SCRN1: variants seen among roughly 807,000 people sequenced by gnomAD.
SCRN1 encodes the protein secernin 1.
A neutral mutation model predicts 43.3 loss-of-function variants in SCRN1; 19 were observed. The observed-to-expected ratio is 0.44, with a 90% CI of 0.31 to 0.64. The LOEUF is 0.64. Ranked by LOEUF, SCRN1 falls within the 30% of genes least tolerant of loss-of-function variation. The probability of loss-of-function intolerance (pLI) is 0.09; values close to 1 mark genes in which losing one functional copy is unlikely to be tolerated. For synonymous variants in SCRN1, 183 were observed against 188.9 expected, an observed-to-expected ratio of 0.97 and a Z score of 0.26; for missense variants, 447 against 524.1, an observed-to-expected ratio of 0.85 and a Z score of 1.44.
intron 3 of SCRN1, among the ~76,000 whole-genome samples, chr7:29,945,447 C>G (rs1009660514): frequency 6.6e-6 from 1 of 152,202 alleles, no homozygotes; most frequent in Non-Finnish European, 1.5e-5. Flanking sequence ...GTACTGCCCT[C>G]TGTGTGACCT....
chr7:29,921,499 C>T lies in SCRN1; in HGVS notation c.*2458G>A, dbSNP rs1298819438. 2 of 151,760 alleles carry T rather than the reference C, an allele frequency of 1.3e-5. No individual in the cohort carries two copies. Among genetic ancestry groups the T allele is most frequent in the Non-Finnish European group, 2.9e-5 (2 of 67,930 alleles). 9.4% of individuals were successfully genotyped at this position (151,760 alleles called of 1,614,324 possible). A position where few individuals can be genotyped will look rare whatever the true frequency, so the allele number is the denominator to read the frequency against. ...GCCACATCAGCAGATTCTCTGCTCTCTTGTCGTCTTTCTCCACCCATCCCA... is the reference window on the plus strand; with the variant it reads ...GCCACATCAGCAGATTCTCTGCTCTTTTGTCGTCTTTCTCCACCCATCCCA... On this transcript the variant is annotated 3_prime_UTR_variant, in exon 8 of 8. Transcript: ENST00000242059.
At chr7:29,969,761 A>G in intron 1 of SCRN1, 1 of 453,938 alleles carries the variant, frequency 2.2e-6, no homozygotes, top group Admixed American at 2.4e-5. Flanking sequence ...CTTGTCAGTT[A>G]CATGCTGATG....
At chr7:29,929,974 C>T (rs1156833878) in intron 6 of SCRN1, among the ~76,000 whole-genome samples, 1 of 151,792 alleles carries the variant, frequency 6.6e-6, no homozygotes, top group African/African-American at 2.4e-5. Flanking sequence ...AGAAGAGATA[C>T]CATAAGTTTG....
chr7:29,943,133 A>C (rs569539860), intron 4 of SCRN1, among the ~76,000 whole-genome samples: 16 of 152,346 alleles, frequency 1.1e-4, no homozygotes, highest in Admixed American at 9.1e-4. Context: ...AGGTTCAACG[A>C]AAGAGAAGTG....
chr7:29,986,967 G>A (rs997091429), intron 1 of SCRN1, among the ~76,000 whole-genome samples: 6 of 151,596 alleles, frequency 4.0e-5, no homozygotes, highest in Non-Finnish European at 7.4e-5. Flanking sequence ...CTCGTGATCC[G>A]CCCGCCTCGG....
chr7:29,931,171 A>C (rs577690991), intron 6 of SCRN1, among the ~76,000 whole-genome samples: 4 of 152,376 alleles, frequency 2.6e-5, no homozygotes, highest in African/African-American at 9.6e-5. Context: ...CCAATGCAAA[A>C]AAAACTATTT....
chr7:29,963,079 T>C lies in SCRN1; in HGVS notation c.159+5830A>G, dbSNP rs578162336. On this transcript the variant is annotated intron_variant, in intron 2 of 7. Coordinates refer to ENST00000242059, the MANE Select transcript of SCRN1 (RefSeq NM_014766.5). ...AAAAAAATCCTTCTTCACAATGTTC[T>C]CCTTAAAGCTTTACAAAGTGCTTTC... Among the ~76,000 whole-genome samples, 163 of 152,214 alleles carry C rather than the reference T, an allele frequency of 1.1e-3. 1 individual carries two copies. The highest frequency in any genetic ancestry group is 5.9e-4 in the Non-Finnish European group (40 of 68,010).
At chr7:29,949,323 A>G (rs1462396031) in intron 3 of SCRN1, among the ~76,000 whole-genome samples, 2 of 65,940 alleles carry the variant, frequency 3.0e-5, no homozygotes, top group African/African-American at 1.4e-4. Context: ...TAAAAAAAGA[A>G]AAAAAAAAAG....
At chr7:29,979,312 G>T (rs1043386678) in intron 1 of SCRN1, among the ~76,000 whole-genome samples, 1 of 152,048 alleles carries the variant, frequency 6.6e-6, no homozygotes, top group African/African-American at 2.4e-5. Context: ...GCAGTGAGCC[G>T]AGATCACGCC....
intron 1 of SCRN1, among the ~76,000 whole-genome samples, chr7:29,979,273 G>T (rs181408382): frequency 0.017 from 2,539 of 152,214 alleles, 35 homozygotes; most frequent in South Asian, 0.055. Flanking sequence ...TGAGGCAGGA[G>T]AATCGCTTGA....
intron 6 of SCRN1, among the ~76,000 whole-genome samples, chr7:29,931,233 T>G (rs562836515): frequency 1.3e-5 from 2 of 152,320 alleles, no homozygotes; most frequent in East Asian, 3.9e-4. Context: ...ACCATGAAAA[T>G]CTCTAACATT....
chr7:29,944,040 C>G lies in SCRN1; in HGVS notation c.481G>C (p.Asp161His). Residue 161 changes from aspartate to histidine, a missense_variant, in exon 4 of 8, where the codon GAT becomes CAT. By Grantham distance (81) the Asp-to-His change is moderately conservative (BLOSUM62 -1). Transcript: ENST00000242059. ...TCGAGCACCCAGGCTTCATCACGATCCACAATCAGATATGCACTTTGGAAG... is the reference window on the plus strand; with the variant it reads ...TCGAGCACCCAGGCTTCATCACGATGCACAATCAGATATGCACTTTGGAAG... The part of the protein sequence containing the change: ...HSFQSAYLIV[D>H]RDEAWVLETI... 6.2e-7 allele frequency: 1 copy of G among 1,614,244 alleles called. No homozygotes were observed. The highest frequency in any genetic ancestry group is 8.5e-7 in the Non-Finnish European group (1 of 1,180,058).
At chr7:29,930,317 T>A (rs971009874) in intron 6 of SCRN1, among the ~76,000 whole-genome samples, 57 of 152,250 alleles carry the variant, frequency 3.7e-4, no homozygotes, top group Admixed American at 3.7e-3. Flanking sequence ...TTTGTGTCTA[T>A]GTACCCAGAA....
At chr7:29,988,852 CA>C (rs1451005269) in intron 1 of SCRN1, 1 of 152,312 alleles carries the variant, frequency 6.6e-6, no homozygotes, top group Non-Finnish European at 1.5e-5. Context: ...GAGTTCTCGC[CA>C]ATTCTCTAAA....
intron 4 of SCRN1, among the ~76,000 whole-genome samples, chr7:29,943,374 G>A (rs1436310586): frequency 1.3e-5 from 2 of 152,084 alleles, no homozygotes; most frequent in African/African-American, 2.4e-5. Context: ...ACTTCCCCAG[G>A]GCTGTGTTAG....
At chr7:29,943,802 G>C (rs1787635861) in intron 4 of SCRN1, among the ~76,000 whole-genome samples, 175 bp downstream of exon 4, 1 of 152,168 alleles carries the variant, frequency 6.6e-6, no homozygotes, top group African/African-American at 2.4e-5. Context: ...GGAGACTCCA[G>C]GTTCTCTTCT....
chr7:29,955,027 C>T (rs1464149368), intron 3 of SCRN1, 152 bp downstream of exon 3: 11 of 655,732 alleles, frequency 1.7e-5, no homozygotes, highest in African/African-American at 3.6e-5. Flanking sequence ...GTAATCCACT[C>T]ATTTATCTCA....
rs1160823815 is a variant in SCRN1, at chr7:29,983,237, TAGAG to T, written c.-2+6401_-2+6404del. ...ATTCTGCCATTTTATGTCAGTTTAC[TAGAG>T]AGAGAGATGCACAAATCCTCAATGA... On this transcript the variant is annotated intron_variant, in intron 1 of 7. Coordinates refer to ENST00000242059, the MANE Select transcript of SCRN1 (RefSeq NM_014766.5). Among the ~76,000 whole-genome samples the T allele has an allele frequency of 1.4e-5, 2 of 139,596 alleles. 1 individual carries two copies. The highest frequency in any genetic ancestry group is 7.5e-3 in the Middle Eastern group (2 of 268). 91.6% of individuals were successfully genotyped at this position (139,596 alleles called of 152,430 possible). A position where few individuals can be genotyped will look rare whatever the true frequency, so the allele number is the denominator to read the frequency against.
chr7:29,976,790 G>A (rs1202234788), intron 1 of SCRN1, among the ~76,000 whole-genome samples: 1 of 152,162 alleles, frequency 6.6e-6, no homozygotes, highest in Non-Finnish European at 1.5e-5. Flanking sequence ...GTGCTTCCCT[G>A]GAGTTTACTG....
Sources: allele counts gnomAD v4.1 joint callset (sites outside exome capture counted in the v4.1 genomes callset), GRCh38; gene constraint gnomAD v4.1.1; transcripts MANE v1.5; gene names NCBI Gene and HGNC (gene_info 2026-07-23, HGNC 2026-07-21).